The following TSPAN11 variants were observed in gnomAD, a reference collection of about 807,000 sequenced individuals.
TSPAN11 encodes the protein tetraspanin 11, also known as tetraspanin-11.
Under a neutral mutation model 32.9 loss-of-function variants are expected in TSPAN11, and 29 were observed. That is an observed-to-expected ratio of 0.88 (90% CI 0.66 to 1.20). TSPAN11 has a LOEUF of 1.20. Among genes scored for constraint, TSPAN11 ranks in the 50% most tolerant of loss-of-function variants. The pLI is 0.00. For synonymous variants in TSPAN11, 140 were observed against 141.3 expected, an observed-to-expected ratio of 0.99 and a Z score of 0.07; for missense variants, 283 against 329.1, an observed-to-expected ratio of 0.86 and a Z score of 1.08.
At chr12:30,991,621 G>C (rs1242994632) in intron 7 of TSPAN11, among the ~76,000 whole-genome samples, 1 of 152,164 alleles carries the variant, frequency 6.6e-6, no homozygotes, top group East Asian at 1.9e-4. Flanking sequence ...CCCTGCTCTT[G>C]GATAGTAGAT....
intron 1 of TSPAN11, among the ~76,000 whole-genome samples, chr12:30,949,093 A>T (rs1938326560): frequency 6.6e-6 from 1 of 151,536 alleles, no homozygotes; most frequent in South Asian, 2.1e-4. Flanking sequence ...CCTCATCTCC[A>T]TCTGAGACCA....
chr12:30,991,861 CG>C lies in TSPAN11; in HGVS notation c.711del (p.Met238TrpfsTer69). The C allele has an allele frequency of 1.9e-6, 3 of 1,614,160 alleles. No individual in the cohort carries two copies. Among genetic ancestry groups the C allele is most frequent in the South Asian group, 2.2e-5 (2 of 91,082 alleles). The stretch of plus-strand genomic sequence containing the variant: ...CTGCTCTCTCCACCTGGCAGATCTG[CG>C]GGATGGTTCTCACCTGCTGCTTGCA... Reference protein sequence around the residue: ...GIGVACLQICGMVLTCCLHQR... With the variant: ...GIGVACLQICXMVLTCCLHQR... On this transcript the variant is annotated frameshift_variant, in exon 8 of 8. Transcript: ENST00000546076. LOFTEE classifies it high-confidence loss of function.
chr12:30,933,250 T>A (rs968504614), intron 1 of TSPAN11, among the ~76,000 whole-genome samples: 4 of 152,266 alleles, frequency 2.6e-5, no homozygotes, highest in Admixed American at 2.6e-4. Context: ...AGGAGGACAC[T>A]GGCTCAGGTA....
rs1939329583 is a variant in TSPAN11, at chr12:30,992,220, G to A, written c.*305G>A. 1 of 457,920 alleles carries A rather than the reference G, an allele frequency of 2.2e-6. No homozygotes were observed. Among genetic ancestry groups the A allele is most frequent in the Non-Finnish European group, 4.0e-6 (1 of 251,092 alleles). 28.4% of individuals were successfully genotyped at this position (457,920 alleles called of 1,614,324 possible). ...GGGGGCACCCGTGGACTACGGGAGG[G>A]TGGCGGTTGGGTTCTCTGCTCCCTC... On this transcript the variant is annotated 3_prime_UTR_variant, in exon 8 of 8. Transcript: ENST00000546076.
chr12:30,981,536 CCTT>C (rs144407813), intron 5 of TSPAN11, among the ~76,000 whole-genome samples: 4,872 of 152,278 alleles, frequency 0.032, 270 homozygotes, highest in African/African-American at 0.11. Flanking sequence ...CCGCGTGACT[CCTT>C]CTGCGCGCTG....
At chr12:30,931,649 G>A (rs1937930154) in intron 1 of TSPAN11, among the ~76,000 whole-genome samples, 1 of 152,044 alleles carries the variant, frequency 6.6e-6, no homozygotes, top group African/African-American at 2.4e-5. Context: ...GGAGGTCGAG[G>A]CAGGCAGATC....
At chr12:30,938,039 G>C (rs1257875259) in intron 1 of TSPAN11, among the ~76,000 whole-genome samples, 1 of 152,208 alleles carries the variant, frequency 6.6e-6, no homozygotes, top group Non-Finnish European at 1.5e-5. Flanking sequence ...CTGCTAGAAG[G>C]GTTGGGGAAT....
chr12:30,952,566 C>T (rs1052207809), intron 1 of TSPAN11, among the ~76,000 whole-genome samples: 19 of 152,176 alleles, frequency 1.2e-4, no homozygotes, highest in African/African-American at 4.1e-4. Flanking sequence ...TTCCTTTCTT[C>T]CTGTCTCAGT....
At chr12:30,931,984 A>T (rs1937942471) in intron 1 of TSPAN11, among the ~76,000 whole-genome samples, 1 of 150,982 alleles carries the variant, frequency 6.6e-6, no homozygotes, top group African/African-American at 2.4e-5. Context: ...GGCAAACAGT[A>T]GGAATTCAAT....
At chr12:30,929,942 T>C (rs116808250) in intron 1 of TSPAN11, among the ~76,000 whole-genome samples, 135 of 152,302 alleles carry the variant, frequency 8.9e-4, no homozygotes, top group African/African-American at 3.2e-3. Flanking sequence ...CTAAGCCCCA[T>C]AGGGGGAGCA....
intron 1 of TSPAN11, among the ~76,000 whole-genome samples, chr12:30,930,087 G>A (rs1466855814): frequency 6.6e-6 from 1 of 152,156 alleles, no homozygotes; most frequent in African/African-American, 2.4e-5. Flanking sequence ...CATTGATACT[G>A]CCCTTGCTTC....
chr12:30,973,768 G>A (rs1443975361), intron 3 of TSPAN11, among the ~76,000 whole-genome samples: 2 of 152,192 alleles, frequency 1.3e-5, no homozygotes, highest in South Asian at 4.1e-4. Context: ...TCTTATTACT[G>A]ACTTTTGTAT....
chr12:30,989,831 T>A (rs1183818032), intron 7 of TSPAN11, among the ~76,000 whole-genome samples: 1 of 152,220 alleles, frequency 6.6e-6, no homozygotes, highest in African/African-American at 2.4e-5. Flanking sequence ...CAGAGGAAGC[T>A]GAAGGCAGGA....
intron 1 of TSPAN11, among the ~76,000 whole-genome samples, chr12:30,937,422 C>T (rs972822448): frequency 5.9e-5 from 9 of 151,370 alleles, no homozygotes; most frequent in Admixed American, 1.3e-4. Context: ...GGAGCTAAAG[C>T]GTACTTTTGG....
In TSPAN11 at chr12:30,993,589, T is replaced by G. The variant is rs1939359967; in HGVS notation, c.*1674T>G. ...AGGCCCTGGGGTTGCCAATGCAAAT[T>G]CATTAAAACGAAGACCAGATATCCC... On this transcript the variant is annotated 3_prime_UTR_variant, in exon 8 of 8. Transcript: ENST00000546076. 6.6e-6 allele frequency: 1 copy of G among 152,256 alleles called. No homozygotes were observed. Among genetic ancestry groups the G allele is most frequent in the African/African-American group, 2.4e-5 (1 of 41,446 alleles). 9.4% of individuals were successfully genotyped at this position (152,256 alleles called of 1,614,324 possible). A position where few individuals can be genotyped will look rare whatever the true frequency, so the allele number is the denominator to read the frequency against.
intron 1 of TSPAN11, among the ~76,000 whole-genome samples, chr12:30,931,904 C>T (rs1422732700): frequency 1.8e-5 from 1 of 55,406 alleles, no homozygotes; most frequent in Non-Finnish European, 4.1e-5. Context: ...AAAAAAGAGT[C>T]CTCATCCTAT....
At position 30,993,961 on chromosome 12, in the gene TSPAN11, C is replaced by T. The variant is rs1939367560; in HGVS notation, c.*2046C>T. 1 of 152,300 alleles carries T rather than the reference C, an allele frequency of 6.6e-6. No homozygotes were observed. The highest frequency in any genetic ancestry group is 1.5e-5 in the Non-Finnish European group (1 of 68,110). The allele number at this position is 152,300 out of a possible 1,614,324, so 9.4% of individuals were successfully genotyped here. A position where few individuals can be genotyped will look rare whatever the true frequency, so the allele number is the denominator to read the frequency against. On this transcript the variant is annotated 3_prime_UTR_variant, in exon 8 of 8. Coordinates refer to ENST00000546076, the MANE Select transcript of TSPAN11 (RefSeq NM_001370302.1). Reference sequence around the variant, plus strand: ...AAGGCAGGCCCAGGACAGCCTGCCCCATCTGCCCCAGCCCCATGGGATGGT... The same window carrying T: ...AAGGCAGGCCCAGGACAGCCTGCCCTATCTGCCCCAGCCCCATGGGATGGT...
intron 1 of TSPAN11, among the ~76,000 whole-genome samples, chr12:30,938,999 G>A (rs1289166088): frequency 1.3e-5 from 2 of 152,060 alleles, no homozygotes; most frequent in South Asian, 2.1e-4. Context: ...TTGGGAGGCT[G>A]AGGTGGGTGG....
intron 3 of TSPAN11, among the ~76,000 whole-genome samples, chr12:30,968,304 A>G (rs997224655): frequency 6.6e-6 from 1 of 152,202 alleles, no homozygotes; most frequent in Non-Finnish European, 1.5e-5. Context: ...AATGACCCAG[A>G]GGGGGACCAT....
Sources: allele counts gnomAD v4.1 joint callset (sites outside exome capture counted in the v4.1 genomes callset), GRCh38; gene constraint gnomAD v4.1.1; transcripts MANE v1.5; gene names NCBI Gene and HGNC (gene_info 2026-07-23, HGNC 2026-07-21).